CACNA1D: variants seen among roughly 807,000 people sequenced by gnomAD.
CACNA1D encodes calcium voltage-gated channel subunit alpha1 D, also known as voltage-dependent L-type calcium channel subunit alpha-1D.
In CACNA1D, 55 loss-of-function variants were observed where a neutral mutation model predicts 257.1. The ratio of observed to expected loss-of-function variants is 0.21; its 90% confidence interval spans 0.17 to 0.27. The LOEUF (loss-of-function observed/expected upper bound fraction) is 0.27. CACNA1D is among the 10% of genes least tolerant of loss of function. The pLI, the probability that CACNA1D is intolerant of heterozygous loss-of-function variation, is 1.00. For missense variants in CACNA1D, 1,876 were observed against 2,784.0 expected (o/e 0.67, Z 7.34); for synonymous variants, 980 against 1,014.9 (o/e 0.97, Z 0.65).
chr3:53,659,191 G>A (rs1393713395), intron 4 of CACNA1D, among the ~76,000 whole-genome samples: 1 of 152,186 alleles, frequency 6.6e-6, no homozygotes, highest in Non-Finnish European at 1.5e-5. Context: ...AAAAGTCACT[G>A]TTAAATGAGC....
chr3:53,764,996 G>A (rs975311074), intron 30 of CACNA1D, among the ~76,000 whole-genome samples: 1 of 152,190 alleles, frequency 6.6e-6, no homozygotes, highest in African/African-American at 2.4e-5. Context: ...ACCACCTTCA[G>A]AAATCTCAGT....
In CACNA1D at chr3:53,731,999, T is replaced by C. The variant is rs2612033; in HGVS notation, c.2407-17T>C. On this transcript the variant is annotated splice_polypyrimidine_tract_variant and intron_variant, in intron 17 of 47. Transcript: ENST00000350061. ...AAGTCAGTCTCCCCTCCTCCCAAGA[T>C]GTCTTTGTCATCCTAGGTTACAATT... 1,336,430 of 1,545,822 alleles carry C rather than the reference T, an allele frequency of 0.86. 579,086 individuals carry two copies. The highest frequency in any genetic ancestry group is 1 in the East Asian group (44,504 of 44,526).
intron 3 of CACNA1D, among the ~76,000 whole-genome samples, chr3:53,565,985 G>C (rs2092827719): frequency 6.6e-6 from 1 of 152,184 alleles, no homozygotes; most frequent in Non-Finnish European, 1.5e-5. Context: ...TTTCTCTGTA[G>C]AAAGTATTAC....
chr3:53,659,498 G>A (rs1427296851), intron 4 of CACNA1D, among the ~76,000 whole-genome samples: 1 of 152,148 alleles, frequency 6.6e-6, no homozygotes, highest in South Asian at 2.1e-4. Context: ...AGATATTTTT[G>A]GAGTACTTCC....
At chr3:53,518,200 T>TG (rs2091418761) in intron 3 of CACNA1D, among the ~76,000 whole-genome samples, 1 of 152,214 alleles carries the variant, frequency 6.6e-6, no homozygotes. Flanking sequence ...ACTAGCACCC[T>TG]GGGGTGGAAG....
At chr3:53,542,285 G>C (rs2107528807) in intron 3 of CACNA1D, among the ~76,000 whole-genome samples, 1 of 152,026 alleles carries the variant, frequency 6.6e-6, no homozygotes, top group South Asian at 2.1e-4. Flanking sequence ...ATGGTAAAGA[G>C]TTGTCTGGTC....
chr3:53,716,456 A>G (rs1439140493), intron 9 of CACNA1D, among the ~76,000 whole-genome samples: 1 of 152,216 alleles, frequency 6.6e-6, no homozygotes, highest in Non-Finnish European at 1.5e-5. Context: ...TTTCTGCTGA[A>G]TCAGAGTGAG....
chr3:53,560,941 C>T (rs554716349), intron 3 of CACNA1D, among the ~76,000 whole-genome samples: 3 of 152,180 alleles, frequency 2.0e-5, no homozygotes, highest in African/African-American at 4.8e-5. Flanking sequence ...TCTAGAAATC[C>T]TATGGAATGC....
intron 30 of CACNA1D, among the ~76,000 whole-genome samples, chr3:53,768,119 A>G (rs2095345262): frequency 6.6e-6 from 1 of 152,242 alleles, no homozygotes. Flanking sequence ...TGACTTTCAC[A>G]AACTCTAAGG....
At chr3:53,512,243 A>C (rs1304311357) in intron 3 of CACNA1D, among the ~76,000 whole-genome samples, 1 of 152,246 alleles carries the variant, frequency 6.6e-6, no homozygotes, top group Non-Finnish European at 1.5e-5. Flanking sequence ...TAAAACATCC[A>C]AAATTCTAAA....
chr3:53,726,870 G>A lies in CACNA1D; in HGVS notation c.2101-9G>A, dbSNP rs774557824. 6 of 1,613,934 alleles carry A rather than the reference G, an allele frequency of 3.7e-6. No individual in the cohort carries two copies. Among genetic ancestry groups the A allele is most frequent in the Admixed American group, 1.7e-5 (1 of 59,996 alleles). ...CCACCTGCTGGCTGATACCAGTTTG[G>A]CTTCTCAGATCCTGACAGGCGAAGA... On this transcript the variant is annotated splice_polypyrimidine_tract_variant and intron_variant, in intron 14 of 47. Transcript: ENST00000350061.
chr3:53,610,230 A>G (rs576814159), intron 3 of CACNA1D, among the ~76,000 whole-genome samples: 1 of 152,334 alleles, frequency 6.6e-6, no homozygotes, highest in Admixed American at 6.5e-5. Flanking sequence ...AGAATGTTTT[A>G]TAAATGCCAG....
chr3:53,777,401 C>T (rs896150430), intron 37 of CACNA1D, among the ~76,000 whole-genome samples: 7 of 152,234 alleles, frequency 4.6e-5, no homozygotes, highest in Admixed American at 2.6e-4. Flanking sequence ...GGGGAGGAAA[C>T]GTGAATTTCA....
At chr3:53,560,630 G>A (rs545144878) in intron 3 of CACNA1D, among the ~76,000 whole-genome samples, 1 of 152,316 alleles carries the variant, frequency 6.6e-6, no homozygotes, top group East Asian at 1.9e-4. Flanking sequence ...TCTTAACTCT[G>A]CTGTCATAGT....
chr3:53,739,674 G>A (rs559839338), intron 20 of CACNA1D, among the ~76,000 whole-genome samples: 2 of 152,288 alleles, frequency 1.3e-5, no homozygotes, highest in Non-Finnish European at 2.9e-5. Context: ...CAACGGGCAG[G>A]AGTGCTGGAG....
chr3:53,545,588 G>T (rs890024627), intron 3 of CACNA1D, among the ~76,000 whole-genome samples: 1 of 152,198 alleles, frequency 6.6e-6, no homozygotes, highest in African/African-American at 2.4e-5. Context: ...AGCTTGAAAA[G>T]GTCATGGTGT....
chr3:53,748,271 A>C (rs1467367067), intron 26 of CACNA1D, among the ~76,000 whole-genome samples: 2 of 152,228 alleles, frequency 1.3e-5, no homozygotes, highest in Admixed American at 6.5e-5. Context: ...ACACACCTAG[A>C]GTCCTGGATA....
intron 15 of CACNA1D, among the ~76,000 whole-genome samples, 175 bp from the exon 16 acceptor site, chr3:53,730,267 T>G (rs2094976890): frequency 6.6e-6 from 1 of 152,042 alleles, no homozygotes; most frequent in Non-Finnish European, 1.5e-5. Context: ...TTTGTTTTGT[T>G]TTGTTTTGTT....
At chr3:53,657,403 G>A (rs913006836) in intron 4 of CACNA1D, among the ~76,000 whole-genome samples, 2 of 152,100 alleles carry the variant, frequency 1.3e-5, no homozygotes, top group African/African-American at 4.8e-5. Context: ...TCTGTACAAG[G>A]CTGTGCAAAA....
Sources: gnomAD v4.1 joint callset for allele counts (sites outside exome capture counted in the v4.1 genomes callset) on GRCh38, gnomAD v4.1.1 for gene constraint, MANE v1.5 for transcripts, NCBI Gene and HGNC (gene_info 2026-07-23, HGNC 2026-07-21) for gene names.